Variants in ZNF518A observed in about 807,000 individuals in gnomAD.
ZNF518A encodes zinc finger protein 518.
Under a neutral mutation model 102.7 loss-of-function variants are expected in ZNF518A, and 47 were observed. The observed-to-expected ratio is 0.46, with a 90% CI of 0.36 to 0.58. The LOEUF (loss-of-function observed/expected upper bound fraction) is 0.58, where lower values mean the gene tolerates loss of function less well. ZNF518A is among the 20% of genes least tolerant of loss of function. The pLI is 0.00. For missense variants in ZNF518A, 1,793 were observed against 1,699.8 expected, an observed-to-expected ratio of 1.05 and a Z score of -0.96; for synonymous variants, 652 against 594.6, an observed-to-expected ratio of 1.10 and a Z score of -1.40.
In ZNF518A at chr10:96,159,307, C is replaced by T. The variant is rs112252455; in HGVS notation, c.2985C>T (p.Thr995=). The change falls in exon 6 of 6, where the codon ACC becomes ACT. Residue 995 remains threonine (T), a synonymous_variant. Coordinates refer to ENST00000316045, the MANE Select transcript of ZNF518A (RefSeq NM_001330736.2). The part of the protein sequence containing the change: ...GKLEGVSAVK[T]EGAPARGTVT... The stretch of plus-strand genomic sequence containing the variant: ...TTGAAGGTGTTTCCGCTGTCAAAAC[C>T]GAGGGTGCCCCAGCTCGTGGAACTG... 57 of 1,613,286 alleles carry T rather than the reference C, an allele frequency of 3.5e-5. No homozygotes were observed. In the African/African-American group the frequency reaches 4.8e-4, roughly 14 times the overall value.
At chr10:96,171,748 A>G (rs1472761751) in intron 1 of ZNF518A, among the ~76,000 whole-genome samples, 2 of 152,140 alleles carry the variant, frequency 1.3e-5, no homozygotes, top group Non-Finnish European at 2.9e-5. Context: ...AAAATTTTTT[A>G]AGTAGTCAAA....
chr10:96,160,128 C>G lies in ZNF518A; in HGVS notation c.3806C>G (p.Ala1269Gly). 1 of 1,610,382 alleles carries G rather than the reference C, an allele frequency of 6.2e-7. No individual in the cohort carries two copies. Among genetic ancestry groups the G allele is most frequent in the Non-Finnish European group, 8.5e-7 (1 of 1,178,808 alleles). ...KTHGSKDSET[A>G]FVSRNRNCKR... Reference sequence around the variant, plus strand: ...CATGGAAGTAAAGACTCTGAAACTGCCTTTGTATCTAGAAACAGAAACTGT... The same window carrying G: ...CATGGAAGTAAAGACTCTGAAACTGGCTTTGTATCTAGAAACAGAAACTGT... The change falls in exon 6 of 6, where the codon GCC (alanine) becomes GGC (glycine). Residue 1269 changes from alanine (A) to glycine (G), a missense_variant. This residue lies in a region of ZNF518A where 1,741 missense variants were observed against 1,622.6 expected (regional missense o/e 1.07). Coordinates refer to ENST00000316045, the MANE Select transcript of ZNF518A (RefSeq NM_001330736.2).
intron 3 of ZNF518A, among the ~76,000 whole-genome samples, chr10:96,143,431 A>G (rs936992892): frequency 2.0e-5 from 3 of 152,010 alleles, no homozygotes; most frequent in Non-Finnish European, 2.9e-5. Context: ...CTTTTCTTCC[A>G]TTGTTTCTTT....
rs2083081947 is a variant in ZNF518A, at chr10:96,163,662, C to T, written c.*2888C>T. ...ATAAGCTTCGTAGGCCTTCTAGTTT[C>T]TGTCCTAACTACTCAATTCTCATAA... On this transcript the variant is annotated 3_prime_UTR_variant, in exon 6 of 6. Coordinates refer to ENST00000316045, the MANE Select transcript of ZNF518A (RefSeq NM_001330736.2). 6.0e-6 allele frequency: 1 copy of T among 166,848 alleles called. No individual in the cohort carries two copies. The highest frequency in any genetic ancestry group is 1.5e-5 in the Non-Finnish European group (1 of 68,052). The allele number at this position is 166,848 out of a possible 1,614,324, so 10.3% of individuals were successfully genotyped here.
chr10:96,150,504 G>C (rs1228865750), intron 3 of ZNF518A, among the ~76,000 whole-genome samples: 1 of 149,830 alleles, frequency 6.7e-6, no homozygotes. Flanking sequence ...ATCTTGCCTG[G>C]TATTTGGAGA....
chr10:96,184,450 T>G (rs1259753540), intron 1 of ZNF518A, among the ~76,000 whole-genome samples: 1 of 152,236 alleles, frequency 6.6e-6, no homozygotes, highest in Admixed American at 6.5e-5. Flanking sequence ...TGGTTGTTCC[T>G]TTCCATGTTT....
At position 96,130,460 on chromosome 10, in the gene ZNF518A, C is replaced by T. The variant is rs1564733651; in HGVS notation, c.-745C>T. ...CTAGGAGCTGGGTGGGAGTAGGAGA[C>T]GGTGTGCCTCCGCGCTCCCCGCGGG... is the stretch of plus-strand genomic sequence containing the variant. On this transcript the variant is annotated 5_prime_UTR_variant, in exon 1 of 6. The change creates a new upstream start codon in the 5' untranslated region. Transcript: ENST00000316045. Among the ~76,000 whole-genome samples, 2 of 152,238 alleles carry T rather than the reference C, an allele frequency of 1.3e-5. No homozygotes were observed.
chr10:96,145,091 A>G (rs995637772), intron 3 of ZNF518A, among the ~76,000 whole-genome samples: 2 of 20,046 alleles, frequency 1.0e-4, no homozygotes, highest in Non-Finnish European at 1.8e-4. Context: ...TGTTGTTAAG[A>G]TGGAGTCTCG....
rs372502526 is a variant in ZNF518A, at chr10:96,160,701, A to G, written c.4379A>G (p.Asn1460Ser). Residue 1460 changes from asparagine to serine, a missense_variant, in exon 6 of 6, where the codon AAT becomes AGT. This residue lies in a region of ZNF518A where 30 missense variants were observed against 61.1 expected (regional missense o/e 0.49). Coordinates refer to ENST00000316045, the MANE Select transcript of ZNF518A (RefSeq NM_001330736.2). ...TGGTTTTGTGGTAGAGTATTTGACA[A>G]TCAGGATACTTGGGCTGGTCATGGG... ...NCWFCGRVFD[N>S]QDTWAGHGQR... 6.2e-7 allele frequency: 1 copy of G among 1,612,692 alleles called. No individual in the cohort carries two copies. The highest frequency in any genetic ancestry group is 8.5e-7 in the Non-Finnish European group (1 of 1,179,300).
Position 96,157,056 on chromosome 10 carries a change from C to CCAAA in ZNF518A, c.735_738dup (p.Gly247GlnfsTer23). ...GGTAAATGTCATCATGTATGTTTTA[C>CCAAA]CAAAGGAGAGCTTCAGAAGCACCTT... On this transcript the variant is annotated frameshift_variant, in exon 6 of 6. Coordinates refer to ENST00000316045, the MANE Select transcript of ZNF518A (RefSeq NM_001330736.2). LOFTEE classifies it high-confidence loss of function. 6.2e-7 allele frequency: 1 copy of CCAAA among 1,613,512 alleles called. No individual in the cohort carries two copies. The highest frequency in any genetic ancestry group is 8.5e-7 in the Non-Finnish European group (1 of 1,179,700).
intron 3 of ZNF518A, among the ~76,000 whole-genome samples, chr10:96,138,079 T>C (rs992242095): frequency 2.0e-5 from 3 of 152,218 alleles, no homozygotes; most frequent in East Asian, 1.9e-4. Flanking sequence ...CTTCAAAATA[T>C]ATTCAATCTG....
intron 3 of ZNF518A, among the ~76,000 whole-genome samples, chr10:96,137,819 A>G (rs920161941): frequency 6.6e-6 from 1 of 152,216 alleles, no homozygotes; most frequent in Admixed American, 6.5e-5. Flanking sequence ...AAATTTCATC[A>G]TCCACCTAGC....
intron 1 of ZNF518A, among the ~76,000 whole-genome samples, chr10:96,195,814 G>T (rs1391042488): frequency 6.6e-6 from 1 of 152,174 alleles, no homozygotes; most frequent in Non-Finnish European, 1.5e-5. Flanking sequence ...TTTAACCACA[G>T]TTGTCTAAAA....
intron 1 of ZNF518A, chr10:96,196,812 T>A: frequency 8.0e-7 from 1 of 1,243,488 alleles, no homozygotes; most frequent in Non-Finnish European, 1.2e-6. Context: ...AGTACTTTTG[T>A]ATCCTTTCTC....
chr10:96,189,472 CT>C (rs1410884492), intron 1 of ZNF518A: 7 of 630,236 alleles, frequency 1.1e-5, no homozygotes, highest in African/African-American at 9.0e-5. Flanking sequence ...AGAGAACCAC[CT>C]TTTTCTATAC....
intron 2 of ZNF518A, 193 bp downstream of exon 2, chr10:96,132,863 T>G (rs1554872685): frequency 6.6e-6 from 1 of 152,110 alleles, no homozygotes; most frequent in African/African-American, 2.4e-5. Context: ...TTTGAATTTT[T>G]GGATTTGAGA....
At chr10:96,173,555 A>C (rs1320862775) in intron 1 of ZNF518A, among the ~76,000 whole-genome samples, 1 of 152,202 alleles carries the variant, frequency 6.6e-6, no homozygotes, top group Non-Finnish European at 1.5e-5. Context: ...TAACAGTAAA[A>C]GTGTCAACTC....
At chr10:96,197,054 A>T (rs1554894867) in intron 1 of ZNF518A, 4 of 1,612,490 alleles carry the variant, frequency 2.5e-6, no homozygotes, top group Non-Finnish European at 3.4e-6. Context: ...CGAATAAGAA[A>T]TGATCCATCC....
intron 3 of ZNF518A, among the ~76,000 whole-genome samples, chr10:96,135,927 A>C (rs1157135490): frequency 6.6e-6 from 1 of 152,232 alleles, no homozygotes; most frequent in Non-Finnish European, 1.5e-5. Context: ...ACAACTTTAA[A>C]TGTATTTCTG....
Sources: allele counts gnomAD v4.1 joint callset (sites outside exome capture counted in the v4.1 genomes callset), GRCh38; gene constraint gnomAD v4.1.1; regional missense constraint gnomAD v4.1.1; transcripts MANE v1.5; gene names NCBI Gene and HGNC (gene_info 2026-07-23, HGNC 2026-07-21).